Variants in NAALADL2 observed in about 807,000 individuals in gnomAD.
The protein encoded by NAALADL2 is N-acetylated alpha-linked acidic dipeptidase like 2.
Under a neutral mutation model 87.2 loss-of-function variants are expected in NAALADL2, and 76 were observed. That is an observed-to-expected ratio of 0.87 (90% CI 0.72 to 1.05). NAALADL2 has a LOEUF of 1.05. Among genes scored for constraint, NAALADL2 ranks in the 50% least tolerant of loss-of-function variants. The pLI is 0.00. For synonymous variants in NAALADL2, 354 were observed against 331.0 expected, an observed-to-expected ratio of 1.07 and a Z score of -0.75; for missense variants, 1,089 against 945.8, an observed-to-expected ratio of 1.15 and a Z score of -1.99.
chr3:175,190,554 C>G (rs1303296303), intron 2 of NAALADL2, among the ~76,000 whole-genome samples: 1 of 151,954 alleles, frequency 6.6e-6, no homozygotes, highest in African/African-American at 2.4e-5. Flanking sequence ...TAAATGTTGG[C>G]AAGGGTGTGA....
Position 175,014,464 on chromosome 3 carries a change from T to C in NAALADL2, c.44-82326T>C, listed in dbSNP as rs371614437. 1.2e-4 allele frequency among the ~76,000 whole-genome samples: 19 copies of C among 152,298 alleles called. No individual in the cohort carries two copies. In the East Asian group the frequency reaches 3.1e-3, roughly 25 times the overall value. ...GACATTAGCCTCTTTTAGCTCAAAA[T>C]GTTTTTGACTATTTTGTTCCATAAT... On this transcript the variant is annotated intron_variant, in intron 1 of 13. Transcript: ENST00000454872.
At chr3:174,920,125 T>C (rs1734955811) in intron 1 of NAALADL2, among the ~76,000 whole-genome samples, 1 of 152,190 alleles carries the variant, frequency 6.6e-6, no homozygotes, top group Non-Finnish European at 1.5e-5. Flanking sequence ...GGCCCTAGAA[T>C]TTTTTGAATA....
intron 2 of NAALADL2, among the ~76,000 whole-genome samples, chr3:175,173,873 C>G (rs896306594): frequency 5.3e-5 from 8 of 152,250 alleles, no homozygotes; most frequent in South Asian, 2.1e-4. Flanking sequence ...TAAAAGTTTT[C>G]TTTGATTTTG....
At chr3:174,606,773 C>T (rs1560087972) in intron 2 of NAALADL2, among the ~76,000 whole-genome samples, 1 of 152,122 alleles carries the variant, frequency 6.6e-6, no homozygotes, top group Non-Finnish European at 1.5e-5. Context: ...AGAACTTCCC[C>T]AATCTAGCAA....
chr3:175,193,208 T>A (rs918468844), intron 2 of NAALADL2, among the ~76,000 whole-genome samples: 2 of 151,892 alleles, frequency 1.3e-5, no homozygotes, highest in Admixed American at 6.6e-5. Flanking sequence ...TACCACTTAC[T>A]AGTTGTGTGT....
At chr3:175,110,398 TTAACATCAATTTTCC>T (rs1723993597) in intron 2 of NAALADL2, among the ~76,000 whole-genome samples, 1 of 151,810 alleles carries the variant, frequency 6.6e-6, no homozygotes, top group South Asian at 2.1e-4. Flanking sequence ...AACAAAGATG[TTAACATCAATTTTCC>T]TAACATCAAT....
chr3:175,256,615 G>A lies in NAALADL2; in HGVS notation c.939+85G>A, dbSNP rs1009853384. ...TTATATGCTTTTGTGAGTGTGGAGT[G>A]TGTGTGTGCATATAGGTGTGTGAGA... On this transcript the variant is annotated intron_variant, in intron 4 of 13. Coordinates refer to ENST00000454872, the MANE Select transcript of NAALADL2 (RefSeq NM_207015.3). The A allele has an allele frequency of 7.3e-6, 10 of 1,361,658 alleles. No individual in the cohort carries two copies. In the African/African-American group the frequency reaches 1.2e-4, roughly 16 times the overall value. The allele number at this position is 1,361,658 out of a possible 1,614,324, so 84.3% of individuals were successfully genotyped here. A position where few individuals can be genotyped will look rare whatever the true frequency, so the allele number is the denominator to read the frequency against.
chr3:174,922,245 G>C (rs1372717431), intron 1 of NAALADL2, among the ~76,000 whole-genome samples: 1 of 151,338 alleles, frequency 6.6e-6, no homozygotes, highest in Non-Finnish European at 1.5e-5. Context: ...AGAAGTTCAA[G>C]GGGGTATTGA....
intron 2 of NAALADL2, among the ~76,000 whole-genome samples, chr3:175,157,232 A>G (rs774516725): frequency 6.6e-6 from 1 of 152,086 alleles, no homozygotes; most frequent in Non-Finnish European, 1.5e-5. Flanking sequence ...ATAGGAAAAG[A>G]TTTTCTAAAT....
intron 10 of NAALADL2, among the ~76,000 whole-genome samples, chr3:175,603,040 C>T (rs1329791920): frequency 1.1e-4 from 16 of 152,046 alleles, no homozygotes; most frequent in Admixed American, 9.8e-4. Flanking sequence ...GTATGTTACC[C>T]AGGAATAGGA....
Position 174,884,578 on chromosome 3 carries a change from A to G in NAALADL2, c.43+25128A>G, listed in dbSNP as rs541773008. Among the ~76,000 whole-genome samples the G allele has an allele frequency of 2.0e-3, 306 of 152,294 alleles. 3 individuals carry two copies. The highest frequency in any genetic ancestry group is 7.1e-3 in the African/African-American group (295 of 41,572). Reference sequence around the variant, plus strand: ...TGAGTCCACGGATGGTAGTCTTGGCAGAAGCATTGTGTGCAGGATAGGCAA... The same window carrying G: ...TGAGTCCACGGATGGTAGTCTTGGCGGAAGCATTGTGTGCAGGATAGGCAA... On this transcript the variant is annotated intron_variant, in intron 1 of 13. Transcript: ENST00000454872.
At chr3:175,766,339 G>A (rs542349316) in intron 13 of NAALADL2, among the ~76,000 whole-genome samples, 2 of 152,208 alleles carry the variant, frequency 1.3e-5, no homozygotes, top group East Asian at 1.9e-4. Flanking sequence ...ATAGAGGGGG[G>A]CTCAGTAGAC....
intron 11 of NAALADL2, among the ~76,000 whole-genome samples, chr3:175,701,467 G>A (rs1237543405): frequency 6.6e-6 from 1 of 152,078 alleles, no homozygotes; most frequent in African/African-American, 2.4e-5. Context: ...CCAGGTCTCT[G>A]GTATGCCTAT....
intron 1 of NAALADL2, among the ~76,000 whole-genome samples, chr3:175,051,843 G>A (rs1755433669): frequency 6.6e-6 from 1 of 152,162 alleles, no homozygotes; most frequent in Admixed American, 6.5e-5. Flanking sequence ...TGGCTACAAA[G>A]CTTAATTAAG....
intron 6 of NAALADL2, among the ~76,000 whole-genome samples, chr3:175,459,358 TGAA>T (rs1463219113): frequency 3.3e-5 from 5 of 152,028 alleles, no homozygotes; most frequent in African/African-American, 1.2e-4. Flanking sequence ...TAGATGTAAC[TGAA>T]GAATAAATTC....
chr3:175,472,532 A>G lies in NAALADL2; in HGVS notation c.1653+774A>G, dbSNP rs1470661227. Among the ~76,000 whole-genome samples the G allele has an allele frequency of 7.9e-5, 12 of 152,120 alleles. 1 individual carries two copies. Among genetic ancestry groups the G allele is most frequent in the Admixed American group, 7.9e-4 (12 of 15,266 alleles). The stretch of plus-strand genomic sequence containing the variant: ...AATGTCTGTTAATTTATATATTGGA[A>G]CCAATCTTTCAGATGCCCACAGGAC... On this transcript the variant is annotated intron_variant, in intron 9 of 13. Transcript: ENST00000454872.
intron 2 of NAALADL2, among the ~76,000 whole-genome samples, chr3:174,564,493 T>C (rs975458299): frequency 4.6e-5 from 7 of 152,172 alleles, no homozygotes; most frequent in African/African-American, 1.7e-4. Context: ...AGTGATTGTA[T>C]GGTTTAGTGA....
chr3:175,518,657 G>T (rs867629941), intron 9 of NAALADL2, among the ~76,000 whole-genome samples: 63 of 152,238 alleles, frequency 4.1e-4, no homozygotes, highest in African/African-American at 1.3e-3. Flanking sequence ...GGTCAAACAC[G>T]CTAGTTCAGG....
intron 5 of NAALADL2, among the ~76,000 whole-genome samples, chr3:175,438,885 C>T (rs1275774570): frequency 4.6e-5 from 7 of 152,018 alleles, no homozygotes; most frequent in African/African-American, 7.2e-5. Context: ...TTTGGGGGAA[C>T]GGGTGGTGTT....
Sources: allele counts gnomAD v4.1 joint callset (sites outside exome capture counted in the v4.1 genomes callset), GRCh38; gene constraint gnomAD v4.1.1; transcripts MANE v1.5; gene names NCBI Gene and HGNC (gene_info 2026-07-23, HGNC 2026-07-21).